Variants in NELL1 observed in about 807,000 individuals in gnomAD.
NELL1 encodes the protein neural EGFL like 1, also known as protein kinase C-binding protein NELL1.
In NELL1, 76 loss-of-function variants were observed where a neutral mutation model predicts 107.4. The ratio of observed to expected loss-of-function variants is 0.71; its 90% CI spans 0.59 to 0.86. NELL1 has a LOEUF of 0.86. Ranked by LOEUF, NELL1 falls within the 40% of genes least tolerant of loss-of-function variation. The probability of loss-of-function intolerance (pLI) is 0.00; values close to 1 mark genes in which losing one functional copy is unlikely to be tolerated. For missense variants in NELL1, 1,024 were observed against 1,005.5 expected, an observed-to-expected ratio of 1.02 and a Z score of -0.25; for synonymous variants, 353 against 341.2, an observed-to-expected ratio of 1.03 and a Z score of -0.38.
At chr11:21,525,926 T>A (rs1855842281) in intron 15 of NELL1, among the ~76,000 whole-genome samples, 1 of 152,180 alleles carries the variant, frequency 6.6e-6, no homozygotes, top group Non-Finnish European at 1.5e-5. Flanking sequence ...CCTATCATTC[T>A]GCCCTGACCC....
intron 12 of NELL1, among the ~76,000 whole-genome samples, chr11:21,070,354 T>C (rs544278271): frequency 6.6e-6 from 1 of 152,186 alleles, no homozygotes; most frequent in East Asian, 1.9e-4. Flanking sequence ...GTAGACTTGG[T>C]GTTTGAGGAT....
At position 21,055,551 on chromosome 11, in the gene NELL1, A is replaced by G. The variant is rs539725952; in HGVS notation, c.1301-58038A>G. Among the ~76,000 whole-genome samples, 3 of 152,290 alleles carry G rather than the reference A, an allele frequency of 2.0e-5. No homozygotes were observed. In the East Asian group the frequency reaches 5.8e-4, roughly 29 times the overall value. ...TAAATCTGTTACTGTGTCTTTGAGCATCTGGTTCACTAATATGAATAGAAA... is the reference window on the plus strand; with the variant it reads ...TAAATCTGTTACTGTGTCTTTGAGCGTCTGGTTCACTAATATGAATAGAAA... On this transcript the variant is annotated intron_variant, in intron 12 of 19. Transcript: ENST00000357134.
At chr11:20,763,950 C>T (rs1489938800) in intron 2 of NELL1, among the ~76,000 whole-genome samples, 1 of 152,202 alleles carries the variant, frequency 6.6e-6, no homozygotes, top group Non-Finnish European at 1.5e-5. Flanking sequence ...GAGTGATGTG[C>T]ACTGGCAAGG....
chr11:20,755,483 A>G (rs956485969), intron 2 of NELL1, among the ~76,000 whole-genome samples: 16 of 151,754 alleles, frequency 1.1e-4, no homozygotes, highest in Non-Finnish European at 1.9e-4. Context: ...CCTCAGCTGT[A>G]CAACAACAAG....
intron 13 of NELL1, among the ~76,000 whole-genome samples, chr11:21,224,690 G>A (rs1857848438): frequency 6.6e-6 from 1 of 152,082 alleles, no homozygotes; most frequent in Non-Finnish European, 1.5e-5. Context: ...TTCTTCAAAA[G>A]AGCTGTCTTC....
chr11:20,846,286 T>C (rs1544973), intron 3 of NELL1, among the ~76,000 whole-genome samples: 22,128 of 152,148 alleles, frequency 0.15, 2,197 homozygotes, highest in East Asian at 0.33. Context: ...GCAAGAAATA[T>C]GTATTTGTTC....
chr11:21,226,522 C>T (rs1361965129), intron 13 of NELL1, among the ~76,000 whole-genome samples: 1 of 152,170 alleles, frequency 6.6e-6, no homozygotes, highest in African/African-American at 2.4e-5. Flanking sequence ...AAACTTACTT[C>T]ATTTAATTGC....
intron 2 of NELL1, among the ~76,000 whole-genome samples, chr11:20,691,013 G>C (rs1424959859): frequency 6.6e-6 from 1 of 151,932 alleles, no homozygotes; most frequent in African/African-American, 2.4e-5. Context: ...CTTTTAAGTT[G>C]GATTCCTAAG....
chr11:21,096,505 C>T (rs1274650421), intron 12 of NELL1, among the ~76,000 whole-genome samples: 4 of 152,118 alleles, frequency 2.6e-5, no homozygotes, highest in Non-Finnish European at 5.9e-5. Flanking sequence ...TCTGAAGCCC[C>T]AGCCATCTGC....
intron 14 of NELL1, among the ~76,000 whole-genome samples, chr11:21,351,257 A>T (rs886430066): frequency 1.3e-5 from 2 of 149,644 alleles, no homozygotes; most frequent in African/African-American, 4.8e-5. Context: ...TTGATTTCAA[A>T]CTGAGTGAAT....
At chr11:21,518,139 GA>G (rs11351069) in intron 15 of NELL1, among the ~76,000 whole-genome samples, 111,373 of 144,078 alleles carry the variant, frequency 0.77, 43,497 homozygotes, top group Non-Finnish European at 0.85. Flanking sequence ...ACTCACTGAA[GA>G]AAAAAAAAAA....
intron 5 of NELL1, among the ~76,000 whole-genome samples, chr11:20,907,147 A>G (rs1181586405): frequency 6.6e-6 from 1 of 151,658 alleles, no homozygotes; most frequent in Admixed American, 6.6e-5. Flanking sequence ...TAAATATAAT[A>G]GCTACAACCA....
intron 13 of NELL1, among the ~76,000 whole-genome samples, chr11:21,150,188 A>G (rs185854006): frequency 1.6e-4 from 25 of 152,258 alleles, no homozygotes; most frequent in African/African-American, 5.8e-4. Flanking sequence ...AACTGAAAGG[A>G]GGAAAGCTTG....
At chr11:21,261,118 G>A (rs1250908809) in intron 14 of NELL1, among the ~76,000 whole-genome samples, 1 of 151,514 alleles carries the variant, frequency 6.6e-6, no homozygotes, top group African/African-American at 2.4e-5. Flanking sequence ...TTAGTCTGCT[G>A]GTTCCTCGAC....
intron 13 of NELL1, among the ~76,000 whole-genome samples, chr11:21,221,485 A>T (rs1282310619): frequency 2.0e-5 from 3 of 152,208 alleles, no homozygotes; most frequent in African/African-American, 7.2e-5. Context: ...GTTTGATAGA[A>T]TTCATCAGTG....
intron 4 of NELL1, among the ~76,000 whole-genome samples, chr11:20,857,926 C>T (rs1382730460): frequency 6.6e-6 from 1 of 152,154 alleles, no homozygotes; most frequent in Non-Finnish European, 1.5e-5. Flanking sequence ...GGGAGCCAAG[C>T]TCCAGTATTC....
intron 5 of NELL1, among the ~76,000 whole-genome samples, chr11:20,911,099 A>G (rs557850409): frequency 1.3e-5 from 2 of 152,302 alleles, no homozygotes; most frequent in South Asian, 2.1e-4. Flanking sequence ...AGTTCTTCCT[A>G]TTATCTATTC....
intron 12 of NELL1, among the ~76,000 whole-genome samples, chr11:21,098,981 G>C (rs780834711): frequency 6.6e-6 from 1 of 151,618 alleles, no homozygotes; most frequent in African/African-American, 2.4e-5. Flanking sequence ...TATTATATTT[G>C]TGTATTTTAA....
At chr11:21,573,051 A>G in intron 18 of NELL1, 134 bp from the exon 19 acceptor site, 1 of 684,496 alleles carries the variant, frequency 1.5e-6, no homozygotes, top group South Asian at 1.9e-5. Flanking sequence ...GAGGAAGTGT[A>G]CTTTATCCTC....
Sources: allele counts gnomAD v4.1 joint callset (sites outside exome capture counted in the v4.1 genomes callset), GRCh38; gene constraint gnomAD v4.1.1; transcripts MANE v1.5; gene names NCBI Gene and HGNC (gene_info 2026-07-23, HGNC 2026-07-21).